The following RNF220 variants were observed in gnomAD, a reference collection of about 807,000 sequenced individuals.
RNF220 encodes ring finger protein 220, also known as E3 ubiquitin-protein ligase RNF220.
In RNF220, 7 loss-of-function variants were observed where a neutral mutation model predicts 67.1. The ratio of observed to expected loss-of-function variants is 0.10; its 90% CI spans 0.06 to 0.20. The LOEUF is 0.20. RNF220 is among the 10% of genes least tolerant of loss of function. RNF220 has a pLI of 1.00. For missense variants in RNF220, 565 were observed against 740.3 expected (o/e 0.76, Z 2.75); for synonymous variants, 270 against 283.2 (o/e 0.95, Z 0.47).
intron 2 of RNF220, among the ~76,000 whole-genome samples, chr1:44,608,750 T>C (rs1313695775): frequency 6.6e-6 from 1 of 152,040 alleles, no homozygotes; most frequent in Admixed American, 6.5e-5. Context: ...TGGGTAATGA[T>C]GGATAGGAAG....
intron 1 of RNF220, among the ~76,000 whole-genome samples, chr1:44,407,958 C>A (rs1353330071): frequency 6.6e-6 from 1 of 152,216 alleles, no homozygotes. Flanking sequence ...GGCCCTTGCA[C>A]GTGTCGGTTC....
At chr1:44,442,936 T>C (rs900403528) in intron 2 of RNF220, among the ~76,000 whole-genome samples, 1 of 152,214 alleles carries the variant, frequency 6.6e-6, no homozygotes, top group East Asian at 1.9e-4. Context: ...GAACCCTCCC[T>C]GTTTGCTTTT....
At position 44,645,699 on chromosome 1, in the gene RNF220, C is replaced by T. The variant is rs776853074; in HGVS notation, c.1445+211C>T. 3.4e-4 allele frequency among the ~76,000 whole-genome samples: 51 copies of T among 152,204 alleles called. No individual in the cohort carries two copies. Among genetic ancestry groups the T allele is most frequent in the Non-Finnish European group, 7.1e-4 (48 of 68,034 alleles). On this transcript the variant is annotated intron_variant, in intron 12 of 14. Transcript: ENST00000361799. This position sits in a 1 kb window ranked among gnomAD's most constrained non-coding sequence, Gnocchi z 5.0. ...TGGGCCACGGCCCCAGAAGCCTTGG[C>T]GGTGGGAGGAGCAGTCCACCCGCCT...
At chr1:44,486,304 G>C (rs1348788043) in intron 2 of RNF220, among the ~76,000 whole-genome samples, 1 of 152,208 alleles carries the variant, frequency 6.6e-6, no homozygotes, top group Non-Finnish European at 1.5e-5. Flanking sequence ...GGCTGAGAGA[G>C]CTCAGAGGCT....
intron 2 of RNF220, among the ~76,000 whole-genome samples, chr1:44,462,323 C>A (rs950507642): frequency 6.6e-6 from 1 of 152,100 alleles, no homozygotes; most frequent in African/African-American, 2.4e-5. Flanking sequence ...ATACTACTAA[C>A]AATGAGTGCA....
intron 1 of RNF220, among the ~76,000 whole-genome samples, chr1:44,407,840 G>A (rs376089815): frequency 6.6e-6 from 1 of 152,182 alleles, no homozygotes; most frequent in African/African-American, 2.4e-5. Flanking sequence ...CGGGACCCGG[G>A]TGACCCCCGG....
At chr1:44,615,837 T>A (rs1171715520) in intron 3 of RNF220, among the ~76,000 whole-genome samples, 1 of 152,196 alleles carries the variant, frequency 6.6e-6, no homozygotes, top group Non-Finnish European at 1.5e-5. Flanking sequence ...TAAAACAACA[T>A]ACATGTATTA....
chr1:44,411,633 A>AC (rs1172017427), intron 1 of RNF220, among the ~76,000 whole-genome samples: 5 of 151,934 alleles, frequency 3.3e-5, no homozygotes, highest in South Asian at 2.1e-4. Context: ...TAAAACATAG[A>AC]CCCCCACTTA....
intron 5 of RNF220, among the ~76,000 whole-genome samples, chr1:44,630,958 A>T (rs745677061): frequency 3.3e-5 from 5 of 152,248 alleles, no homozygotes; most frequent in Non-Finnish European, 5.9e-5. Flanking sequence ...TGTAGTGTGG[A>T]GGATGGGTTG....
intron 2 of RNF220, among the ~76,000 whole-genome samples, chr1:44,603,390 G>A (rs990799350): frequency 6.6e-5 from 10 of 152,188 alleles, no homozygotes; most frequent in Non-Finnish European, 1.5e-4. Flanking sequence ...GCTACGGTGG[G>A]CCAGGCCAGC....
chr1:44,562,077 C>T (rs1005734755), intron 2 of RNF220, among the ~76,000 whole-genome samples: 12 of 152,112 alleles, frequency 7.9e-5, no homozygotes, highest in African/African-American at 2.9e-4. Context: ...GGGAAAAGAC[C>T]ACCTCAGCAG....
At chr1:44,531,661 C>T (rs891848715) in intron 2 of RNF220, among the ~76,000 whole-genome samples, 93 of 152,270 alleles carry the variant, frequency 6.1e-4, no homozygotes, top group African/African-American at 2.2e-3. Flanking sequence ...TGAGAGAGAA[C>T]AGGAGAAAGA....
At chr1:44,456,746 C>T (rs1315066906) in intron 2 of RNF220, among the ~76,000 whole-genome samples, 1 of 152,170 alleles carries the variant, frequency 6.6e-6, no homozygotes, top group Non-Finnish European at 1.5e-5. Flanking sequence ...CAATGGCTCC[C>T]TTTTGCTTTT....
intron 8 of RNF220, chr1:44,638,284 A>C (rs1319562160): frequency 6.6e-6 from 1 of 152,278 alleles, no homozygotes; most frequent in African/African-American, 2.4e-5. Flanking sequence ...ATTGAAAGGC[A>C]GTTAAAATGG....
intron 2 of RNF220, among the ~76,000 whole-genome samples, chr1:44,514,595 A>G (rs990444764): frequency 6.6e-6 from 1 of 152,208 alleles, no homozygotes. Flanking sequence ...GGCCTGCAGA[A>G]TGTCCTGCTG....
chr1:44,469,384 C>G (rs1259484966), intron 2 of RNF220, among the ~76,000 whole-genome samples: 1 of 152,020 alleles, frequency 6.6e-6, no homozygotes, highest in Non-Finnish European at 1.5e-5. Flanking sequence ...GCCAGGCAAA[C>G]CAGCCTAAGA....
chr1:44,529,604 G>A (rs1660674772), intron 2 of RNF220, among the ~76,000 whole-genome samples: 1 of 152,108 alleles, frequency 6.6e-6, no homozygotes, highest in Non-Finnish European at 1.5e-5. Flanking sequence ...TCGAACTCCT[G>A]GCCTCAAGTA....
chr1:44,406,815 G>A (rs943600952), intron 1 of RNF220, among the ~76,000 whole-genome samples: 3 of 152,210 alleles, frequency 2.0e-5, no homozygotes, highest in African/African-American at 4.8e-5. Flanking sequence ...GTGGCCCCCC[G>A]GGCGAGGCCG....
intron 2 of RNF220, among the ~76,000 whole-genome samples, chr1:44,510,513 T>C (rs770611596): frequency 6.6e-6 from 1 of 152,220 alleles, no homozygotes; most frequent in Non-Finnish European, 1.5e-5. Flanking sequence ...GTTTGTCTAA[T>C]ACGCAGGCTT....
Sources: allele counts gnomAD v4.1 joint callset (sites outside exome capture counted in the v4.1 genomes callset), GRCh38; gene constraint gnomAD v4.1.1; non-coding constraint Gnocchi (gnomAD v3.1); transcripts MANE v1.5; gene names NCBI Gene and HGNC (gene_info 2026-07-23, HGNC 2026-07-21).